Variants in PKD1L1 observed in about 807,000 individuals in gnomAD.
PKD1L1 encodes polycystin 1 like 1, transient receptor potential channel interacting.
Under a neutral mutation model 323.4 loss-of-function variants are expected in PKD1L1, and 236 were observed. The observed-to-expected ratio is 0.73, with a 90% CI of 0.66 to 0.81. The LOEUF is 0.81. PKD1L1 is among the 40% of genes least tolerant of loss of function. The probability of loss-of-function intolerance (pLI) is 0.00; values close to 1 mark genes in which losing one functional copy is unlikely to be tolerated. For synonymous variants in PKD1L1, 1,344 were observed against 1,335.0 expected (o/e 1.01, Z -0.15); for missense variants, 3,320 against 3,508.0 (o/e 0.95, Z 1.35).
intron 46 of PKD1L1, among the ~76,000 whole-genome samples, chr7:47,816,180 AAGATGCCTGTGAGTGGC>A (rs1785014311): frequency 6.6e-6 from 1 of 152,230 alleles, no homozygotes; most frequent in Non-Finnish European, 1.5e-5. Flanking sequence ...CTGGCCTCCC[AAGATGCCTGTGAGTGGC>A]AGATGTGAAG....
At chr7:47,861,555 C>G (rs1786022950) in intron 26 of PKD1L1, among the ~76,000 whole-genome samples, 1 of 152,114 alleles carries the variant, frequency 6.6e-6, no homozygotes, top group Non-Finnish European at 1.5e-5. Flanking sequence ...TGCAGAGAGT[C>G]AAGTGGAAAT....
rs191474151 is a variant in PKD1L1, at chr7:47,831,350, G to A, written c.6340C>T (p.Pro2114Ser). Residue 2114 changes from proline (P) to serine (S), a missense_variant and splice_region_variant, in exon 42 of 57, where the codon CCC becomes TCC. Coordinates refer to ENST00000289672, the MANE Select transcript of PKD1L1 (RefSeq NM_138295.5). ...SHCCPPHTQAPSSGLEGLMPQ... is the reference protein window; with the variant it reads ...SHCCPPHTQASSSGLEGLMPQ... ...ATTAGTCCCTCCAAACCACTGCTGG[G>A]TGCTGCGGAAGAGTAGGACAGAGAC... The A allele has an allele frequency of 1.3e-5, 21 of 1,611,532 alleles. No homozygotes were observed. The Admixed American group carries it at 1.3e-4, about 10-fold the overall frequency.
At chr7:47,932,080 A>T (rs1401594972) in intron 4 of PKD1L1, 24 bp from the exon 5 acceptor site, 10 of 1,588,096 alleles carry the variant, frequency 6.3e-6, no homozygotes, top group Non-Finnish European at 8.6e-6. Context: ...AAAGTGCAGA[A>T]AGAAAAGGAA....
chr7:47,838,985 A>C (rs575445633), intron 36 of PKD1L1, among the ~76,000 whole-genome samples: 1 of 152,264 alleles, frequency 6.6e-6, no homozygotes, highest in African/African-American at 2.4e-5. Context: ...ACATGCAAAA[A>C]TCACGACTTC....
At chr7:47,837,724 A>G (rs1209068421) in intron 36 of PKD1L1, among the ~76,000 whole-genome samples, 1 of 152,164 alleles carries the variant, frequency 6.6e-6, no homozygotes, top group Non-Finnish European at 1.5e-5. Context: ...TCTGGCACAC[A>G]GTGGGAGATA....
chr7:47,801,461 C>T (rs12702390), intron 53 of PKD1L1, among the ~76,000 whole-genome samples: 107,198 of 152,070 alleles, frequency 0.7, 38,021 homozygotes, highest in Middle Eastern at 0.75. Flanking sequence ...TCCAACCAGC[C>T]CTGGTGCTGA....
chr7:47,949,368 C>CAAAAAAAAAGAA (rs1788167943), upstream of PKD1L1, among the ~76,000 whole-genome samples: 1 of 57,134 alleles, frequency 1.8e-5, no homozygotes, highest in Non-Finnish European at 3.2e-5. Context: ...GGCTCTGTCT[C>CAAAAAAAAAGAA]AAAAAAAAAA....
chr7:47,872,890 GC>G (rs1436973232), intron 24 of PKD1L1, among the ~76,000 whole-genome samples: 1 of 152,068 alleles, frequency 6.6e-6, no homozygotes, highest in Non-Finnish European at 1.5e-5. Flanking sequence ...ATTCATTATA[GC>G]CAAAAAGTGA....
At position 47,946,271 on chromosome 7, in the gene PKD1L1, T is replaced by C. The variant is rs926007179; in HGVS notation, c.44+2126A>G. On this transcript the variant is annotated intron_variant, in intron 1 of 56. Coordinates refer to ENST00000289672, the MANE Select transcript of PKD1L1 (RefSeq NM_138295.5). This position sits in a 1 kb window ranked among gnomAD's most constrained non-coding sequence, Gnocchi z 4.1. ...GAATTACATGACAGATCTCTTAGAA[T>C]CCCTTAAGAGTGAGTGTTTTTCGGG... 6.6e-6 allele frequency among the ~76,000 whole-genome samples: 1 copy of C among 151,836 alleles called. No homozygotes were observed.
chr7:47,775,197 A>G (rs913563983), intron 56 of PKD1L1, 31 bp from the exon 57 acceptor site: 4 of 1,613,632 alleles, frequency 2.5e-6, no homozygotes, highest in Non-Finnish European at 3.4e-6. Context: ...ACATACTGAA[A>G]CAACACCCCT....
intron 24 of PKD1L1, 69 bp downstream of exon 24, chr7:47,873,830 G>A (rs1786339853): frequency 1.3e-5 from 16 of 1,210,202 alleles, no homozygotes; most frequent in Non-Finnish European, 1.9e-5. Flanking sequence ...TTAACAACTT[G>A]GGGGAGAGCC....
chr7:47,799,772 C>G (rs1357335627), intron 54 of PKD1L1, among the ~76,000 whole-genome samples: 3 of 152,130 alleles, frequency 2.0e-5, no homozygotes, highest in African/African-American at 7.2e-5. Context: ...TAGTCAAGCA[C>G]AGAGCAGGGG....
intron 15 of PKD1L1, among the ~76,000 whole-genome samples, chr7:47,892,688 C>T (rs1185745245): frequency 6.6e-6 from 1 of 152,000 alleles, no homozygotes; most frequent in South Asian, 2.1e-4. Flanking sequence ...GCACTCATAT[C>T]CCCTAAATCA....
chr7:47,786,410 T>G (rs1367845081), intron 56 of PKD1L1, among the ~76,000 whole-genome samples: 5 of 151,954 alleles, frequency 3.3e-5, no homozygotes, highest in Non-Finnish European at 5.9e-5. Flanking sequence ...CTGAAAAGAG[T>G]GGCTGTGGAC....
chr7:47,832,973 G>A, intron 41 of PKD1L1, 117 bp downstream of exon 41: 1 of 1,352,556 alleles, frequency 7.4e-7, no homozygotes, highest in South Asian at 1.5e-5. Context: ...TTTTAGATGA[G>A]ACTAGAGTAT....
intron 56 of PKD1L1, among the ~76,000 whole-genome samples, chr7:47,775,829 AAT>A (rs1211279734): frequency 7.9e-5 from 12 of 151,802 alleles, no homozygotes; most frequent in African/African-American, 2.9e-4. Flanking sequence ...AAAAAAAAAA[AAT>A]AGAGAAAACG....
intron 46 of PKD1L1, chr7:47,819,621 T>A (rs774009259): frequency 8.3e-6 from 11 of 1,325,602 alleles, no homozygotes; most frequent in Non-Finnish European, 1.1e-5. Flanking sequence ...TCCACTTAAT[T>A]TCACTATTAC....
At chr7:47,856,188 C>T (rs6943137) in intron 28 of PKD1L1, among the ~76,000 whole-genome samples, 31,489 of 151,846 alleles carry the variant, frequency 0.21, 4,159 homozygotes, top group African/African-American at 0.37. Context: ...CAGGCACGTG[C>T]CACCACACTC....
chr7:47,922,257 C>T (rs565494225), intron 7 of PKD1L1, among the ~76,000 whole-genome samples: 1 of 152,322 alleles, frequency 6.6e-6, no homozygotes, highest in African/African-American at 2.4e-5. Context: ...GCTCTCGGCT[C>T]GCTACAACCT....
Sources: gnomAD v4.1 joint callset for allele counts (sites outside exome capture counted in the v4.1 genomes callset) on GRCh38, gnomAD v4.1.1 for gene constraint, Gnocchi (gnomAD v3.1) non-coding constraint, MANE v1.5 for transcripts, NCBI Gene and HGNC (gene_info 2026-07-23, HGNC 2026-07-21) for gene names.